SNX4: variants seen among roughly 807,000 people sequenced by gnomAD.
The protein encoded by SNX4 is sorting nexin 4, also known as sorting nexin-4.
A neutral mutation model predicts 70.8 loss-of-function variants in SNX4; 49 were observed. The observed-to-expected ratio is 0.69, with a 90% CI of 0.55 to 0.88. The LOEUF (loss-of-function observed/expected upper bound fraction) is 0.88. Among genes scored for constraint, SNX4 ranks in the 40% least tolerant of loss-of-function variants. The pLI, the probability that SNX4 is intolerant of heterozygous loss-of-function variation, is 0.00. For synonymous variants in SNX4, 206 were observed against 183.8 expected, an observed-to-expected ratio of 1.12 and a Z score of -0.98; for missense variants, 528 against 544.8, an observed-to-expected ratio of 0.97 and a Z score of 0.31.
intron 6 of SNX4, among the ~76,000 whole-genome samples, chr3:125,486,621 G>A (rs931736242): frequency 2.6e-5 from 4 of 151,914 alleles, no homozygotes; most frequent in Admixed American, 6.6e-5. Flanking sequence ...GAGAGACTCC[G>A]TCTCAAAAAA....
intron 1 of SNX4, among the ~76,000 whole-genome samples, chr3:125,506,507 A>ATTTTT (rs554917775): frequency 7.4e-6 from 1 of 134,698 alleles, no homozygotes; most frequent in Non-Finnish European, 1.6e-5. Flanking sequence ...TACCAGGCTA[A>ATTTTT]TTTTTTTTTT....
chr3:125,519,977 C>T lies in SNX4; in HGVS notation c.141+55G>A, dbSNP rs1003307836. The T allele has an allele frequency of 4.8e-6, 7 of 1,463,326 alleles. No individual in the cohort carries two copies. In the African/African-American group the frequency reaches 1.0e-4, roughly 22 times the overall value. The allele number at this position is 1,463,326 out of a possible 1,614,324, so 90.6% of individuals were successfully genotyped here. A position where few individuals can be genotyped will look rare whatever the true frequency, so the allele number is the denominator to read the frequency against. ...CAGCCCAGCCCAGCCCAGCCCAGCC[C>T]GGCCCGCTAGGCCACCACACAGGCC... On this transcript the variant is annotated intron_variant, in intron 1 of 13. Transcript: ENST00000251775.
chr3:125,511,797 ACT>A (rs1315712080), intron 1 of SNX4, among the ~76,000 whole-genome samples: 1 of 152,132 alleles, frequency 6.6e-6, no homozygotes, highest in East Asian at 1.9e-4. Context: ...AAAAGTAGAA[ACT>A]CAGTGCAGCA....
chr3:125,473,229 A>C (rs1463315554), intron 8 of SNX4, among the ~76,000 whole-genome samples: 3 of 152,060 alleles, frequency 2.0e-5, no homozygotes, highest in Non-Finnish European at 4.4e-5. Flanking sequence ...TACTGTTGCC[A>C]TCTTCACATC....
chr3:125,502,510 C>G (rs2107563821), intron 2 of SNX4, among the ~76,000 whole-genome samples: 1 of 152,140 alleles, frequency 6.6e-6, no homozygotes, highest in Middle Eastern at 3.4e-3. Context: ...TCACAGGGTT[C>G]AGCACTAAGG....
intron 8 of SNX4, among the ~76,000 whole-genome samples, chr3:125,470,661 C>A (rs1216764964): frequency 6.6e-6 from 1 of 151,812 alleles, no homozygotes; most frequent in East Asian, 1.9e-4. Context: ...TCCAAGAATG[C>A]CTGAAAGTCA....
intron 9 of SNX4, among the ~76,000 whole-genome samples, chr3:125,463,680 C>T (rs1339131128): frequency 6.6e-6 from 1 of 152,086 alleles, no homozygotes; most frequent in Non-Finnish European, 1.5e-5. Context: ...AATTAAAGAA[C>T]TGTATGTATT....
chr3:125,462,500 G>A (rs1933907930), intron 9 of SNX4, among the ~76,000 whole-genome samples: 1 of 150,012 alleles, frequency 6.7e-6, no homozygotes, highest in African/African-American at 2.5e-5. Context: ...TAATTTGGGA[G>A]GAATGCCTGA....
chr3:125,482,156 A>G (rs1441262910), intron 6 of SNX4, among the ~76,000 whole-genome samples: 2 of 152,220 alleles, frequency 1.3e-5, no homozygotes, highest in Admixed American at 6.5e-5. Flanking sequence ...GTGACTTGTC[A>G]TTCACAAAGC....
chr3:125,450,978 A>G (rs1423554493), intron 13 of SNX4, among the ~76,000 whole-genome samples: 1 of 152,210 alleles, frequency 6.6e-6, no homozygotes, highest in East Asian at 1.9e-4. Flanking sequence ...TTGTAACACC[A>G]GTAGAGGCTG....
At chr3:125,514,494 C>A (rs1580013394) in intron 1 of SNX4, among the ~76,000 whole-genome samples, 1 of 150,906 alleles carries the variant, frequency 6.6e-6, no homozygotes, top group South Asian at 2.1e-4. Flanking sequence ...TAGGTTCAAG[C>A]GATTCTCCTG....
In SNX4 at chr3:125,476,734, C is replaced by T. The variant is rs1416426710; in HGVS notation, c.749G>A (p.Gly250Asp). 1.9e-6 allele frequency: 3 copies of T among 1,597,780 alleles called. No homozygotes were observed. The highest frequency in any genetic ancestry group is 1.3e-5 in the African/African-American group (1 of 74,550). Residue 250 changes from glycine (G) to aspartate (D), a missense_variant, in exon 8 of 14, where the codon GGT becomes GAT. By Grantham distance (94) the Gly-to-Asp change is moderately conservative. This residue lies in a region of SNX4 where 341 missense variants were observed against 312.2 expected (regional missense o/e 1.09). Coordinates refer to ENST00000251775, the MANE Select transcript of SNX4 (RefSeq NM_003794.4). Reference protein sequence around the residue: ...VRARVADRLYGVYKVHGNYGR... With the variant: ...VRARVADRLYDVYKVHGNYGR... ...ATAATTCCCATGTACTTTATATACA[C>T]CATAGAGTCGATCTGCTACTCTCTG...
At chr3:125,495,730 A>G (rs1287294545) in intron 5 of SNX4, among the ~76,000 whole-genome samples, 7 of 152,220 alleles carry the variant, frequency 4.6e-5, no homozygotes, top group Non-Finnish European at 7.3e-5. Context: ...ACAAAAACTG[A>G]TAACTATTAA....
intron 11 of SNX4, among the ~76,000 whole-genome samples, chr3:125,456,613 C>T (rs1933722822): frequency 6.6e-6 from 1 of 152,176 alleles, no homozygotes; most frequent in Non-Finnish European, 1.5e-5. Context: ...TACCACTGCA[C>T]TCCAGCCTGG....
chr3:125,469,483 T>A lies in SNX4; in HGVS notation c.825A>T (p.Gly275=). ...CCATATGATGACCAGCACTCTGCAG[T>A]CCATCACCCATTTCTTTTTCTATGG... ...WSAIEKEMGD[G]LQSAGHHMDV... is the part of the protein sequence containing the mutation. Residue 275 remains glycine, a synonymous_variant, in exon 9 of 14, where the codon GGA becomes GGT. Transcript: ENST00000251775. 6.2e-7 allele frequency: 1 copy of A among 1,613,726 alleles called. No individual in the cohort carries two copies. Among genetic ancestry groups the A allele is most frequent in the Non-Finnish European group, 8.5e-7 (1 of 1,179,692 alleles).
chr3:125,491,357 G>T (rs1170539156), intron 5 of SNX4, among the ~76,000 whole-genome samples: 1 of 152,140 alleles, frequency 6.6e-6, no homozygotes, highest in Non-Finnish European at 1.5e-5. Context: ...AAATGAGGAT[G>T]AAACTACATA....
At chr3:125,452,284 C>A (rs1412940018) in intron 12 of SNX4, among the ~76,000 whole-genome samples, 5 of 152,026 alleles carry the variant, frequency 3.3e-5, no homozygotes, top group African/African-American at 1.2e-4. Context: ...TTAGTAGAGA[C>A]AAGGTTTCAC....
In SNX4 at chr3:125,494,565, T is replaced by C. The variant is rs145170234; in HGVS notation, c.597+2776A>G. On this transcript the variant is annotated intron_variant, in intron 5 of 13. Transcript: ENST00000251775. The stretch of plus-strand genomic sequence containing the variant: ...TTAGATTCTAAAAAAAGTTTTCTTC[T>C]TTTTTACCGTTTTTGACAATCTTTC... Among the ~76,000 whole-genome samples, 403 of 152,352 alleles carry C rather than the reference T, an allele frequency of 2.6e-3. 1 individual carries two copies. Among genetic ancestry groups the C allele is most frequent in the African/African-American group, 8.7e-3 (363 of 41,580 alleles).
At chr3:125,484,985 T>C (rs1482481118) in intron 6 of SNX4, among the ~76,000 whole-genome samples, 2 of 151,824 alleles carry the variant, frequency 1.3e-5, no homozygotes, top group Non-Finnish European at 1.5e-5. Flanking sequence ...GAGAATTGCT[T>C]GAACCCGGGA....
Sources: gnomAD v4.1 joint callset for allele counts (sites outside exome capture counted in the v4.1 genomes callset) on GRCh38, gnomAD v4.1.1 for gene constraint, gnomAD v4.1.1 regional missense constraint, MANE v1.5 for transcripts, NCBI Gene and HGNC (gene_info 2026-07-23, HGNC 2026-07-21) for gene names.